TECPR1: variants seen among roughly 807,000 people sequenced by gnomAD.
The protein encoded by TECPR1 is tectonin beta-propeller repeat containing 1, also known as tectonin beta-propeller repeat-containing protein 1.
Under a neutral mutation model 162.4 loss-of-function variants are expected in TECPR1, and 122 were observed. The observed-to-expected ratio is 0.75, with a 90% CI of 0.65 to 0.87. The LOEUF is 0.87. TECPR1 is among the 40% of genes least tolerant of loss of function. The probability of loss-of-function intolerance (pLI) is 0.00; values close to 1 mark genes in which losing one functional copy is unlikely to be tolerated. For missense variants in TECPR1, 1,432 were observed against 1,618.2 expected (o/e 0.88, Z 1.97); for synonymous variants, 642 against 670.6 (o/e 0.96, Z 0.66).
intron 2 of TECPR1, among the ~76,000 whole-genome samples, chr7:98,250,564 G>A (rs914218605): frequency 2.0e-5 from 3 of 152,206 alleles, no homozygotes; most frequent in African/African-American, 4.8e-5. Context: ...CTTGAGCCCA[G>A]GAGTTTGAGG....
rs773085229 is a variant in TECPR1 at position 98,217,712 on chromosome 7, C to T, written c.3364G>A (p.Gly1122Ser). ...CTCACCCCGATGCCGTAGTCCCAGC[C>T]GTGGCCCTTGGGCTCGTGAGGCTGC... The part of the protein sequence containing the change: ...GVQPHEPKGH[G>S]WDYGIGGGWD... Residue 1122 changes from glycine (G) to serine (S), a missense_variant, in exon 25 of 26, where the codon GGC becomes AGC. Coordinates refer to ENST00000447648, the MANE Select transcript of TECPR1 (RefSeq NM_015395.3). The T allele has an allele frequency of 5.2e-5, 80 of 1,547,802 alleles. 1 individual carries two copies. The East Asian group carries it at 6.1e-4, about 12-fold the overall frequency.
Position 98,224,821 on chromosome 7 carries a change from C to T in TECPR1, c.2670G>A (p.Gln890=). The T allele has an allele frequency of 3.2e-6, 5 of 1,581,794 alleles. No homozygotes were observed. The highest frequency in any genetic ancestry group is 3.4e-6 in the Non-Finnish European group (4 of 1,164,722). ...CTTACGCAGGGAAGTCGCTGGCATA[C>T]TGCCACCCCTCCTGGTCCGTGCCCC... ...VPGGTDQEGW[Q]YASDFPASYH... Residue 890 remains glutamine (Q), a synonymous_variant, in exon 19 of 26, where the codon CAG becomes CAA. Transcript: ENST00000447648.
chr7:98,221,315 A>G lies in TECPR1; in HGVS notation c.3157+346T>C, dbSNP rs541809936. Among the ~76,000 whole-genome samples the G allele has an allele frequency of 5.3e-5, 8 of 152,206 alleles. No individual in the cohort carries two copies. In the South Asian group the frequency reaches 1.7e-3, roughly 32 times the overall value. The stretch of plus-strand genomic sequence containing the variant: ...GAAACTCCATCTCAAAGAAAAAATA[A>G]TAACAATAATAACTAAAAGAGTAGA... On this transcript the variant is annotated intron_variant, in intron 23 of 25. Coordinates refer to ENST00000447648, the MANE Select transcript of TECPR1 (RefSeq NM_015395.3).
At chr7:98,239,046 T>C (rs1798677273) in intron 8 of TECPR1, among the ~76,000 whole-genome samples, 1 of 152,264 alleles carries the variant, frequency 6.6e-6, no homozygotes, top group African/African-American at 2.4e-5. Context: ...CTTCAAGAAA[T>C]ACTTAAAGTG....
chr7:98,245,534 C>T (rs894347429), intron 3 of TECPR1, among the ~76,000 whole-genome samples: 9 of 152,082 alleles, frequency 5.9e-5, no homozygotes, highest in Non-Finnish European at 8.8e-5. Context: ...GTGCAGGGCA[C>T]GATTATGGCT....
In TECPR1 at chr7:98,232,865, G is replaced by C. The variant is rs372092508; in HGVS notation, c.1780C>G (p.Leu594Val). Residue 594 changes from leucine to valine, a missense_variant, in exon 12 of 26, where the codon CTG (leucine) becomes GTG (valine). By Grantham distance (32) the Leu-to-Val change is conservative. Transcript: ENST00000447648. This position sits in a 1 kb window ranked among gnomAD's most constrained non-coding sequence, Gnocchi z 4.6. ...TGCTCGTAGTGTCTGAAGTTCTCCA[G>C]CTCCCGCTTGGTCCTTTCCGTGAGC... ...QQLTERTKRELENFRHYEQAV... is the reference protein window; with the variant it reads ...QQLTERTKREVENFRHYEQAV... 4.3e-6 allele frequency: 7 copies of C among 1,612,042 alleles called. No homozygotes were observed. The African/African-American group carries it at 9.4e-5, about 22-fold the overall frequency.
intron 2 of TECPR1, among the ~76,000 whole-genome samples, chr7:98,248,811 AC>A (rs1289145401): frequency 4.6e-5 from 7 of 151,102 alleles, no homozygotes; most frequent in African/African-American, 1.5e-4. Context: ...GCACCACTGC[AC>A]TCCAGCCTGG....
rs1283105622 is a variant in TECPR1, at chr7:98,217,793, T to C, written c.3283A>G (p.Lys1095Glu). ...CTCAGGCTGTGGCTGCCCTGCACTT[T>C]GTTGGCGATCACCCAGACCTGGAGC... is the stretch of plus-strand genomic sequence containing the variant. ...PLDQVWVIAN[K>E]VQGSHSLSRG... Residue 1095 changes from lysine to glutamate, a missense_variant, in exon 25 of 26, where the codon AAA becomes GAA. Transcript: ENST00000447648. The C allele has an allele frequency of 6.4e-7, 1 of 1,550,908 alleles. No homozygotes were observed. The highest frequency in any genetic ancestry group is 2.0e-5 in the Admixed American group (1 of 51,018).
At chr7:98,248,313 C>T (rs551353240) in intron 2 of TECPR1, among the ~76,000 whole-genome samples, 4 of 152,152 alleles carry the variant, frequency 2.6e-5, no homozygotes, top group East Asian at 3.9e-4. Flanking sequence ...GACACTGGCC[C>T]GGGGCCTGAA....
chr7:98,234,107 C>T (rs1224468297), intron 10 of TECPR1, among the ~76,000 whole-genome samples, 196 bp from the exon 11 acceptor site: 1 of 152,258 alleles, frequency 6.6e-6, no homozygotes, highest in Non-Finnish European at 1.5e-5. Context: ...CCTGGGCCAC[C>T]CTGCAGACCA....
chr7:98,224,884 G>A lies in TECPR1; in HGVS notation c.2611-4C>T. ...AATCCACGAACCAGTCGGAAACCTG[G>A]GAGGAGTGGGTCAGTGAGGATGGGA... is the stretch of plus-strand genomic sequence containing the variant. On this transcript the variant is annotated splice_polypyrimidine_tract_variant and splice_region_variant and intron_variant, in intron 18 of 25. Transcript: ENST00000447648. 6.4e-7 allele frequency: 1 copy of A among 1,559,212 alleles called. No homozygotes were observed. Among genetic ancestry groups the A allele is most frequent in the Non-Finnish European group, 8.7e-7 (1 of 1,151,880 alleles).
At position 98,243,492 on chromosome 7, in the gene TECPR1, A is replaced by G; in HGVS notation, c.632T>C (p.Val211Ala). The change falls in exon 6 of 26, where the codon GTG (valine) becomes GCG (alanine). Residue 211 changes from valine to alanine, a missense_variant. Coordinates refer to ENST00000447648, the MANE Select transcript of TECPR1 (RefSeq NM_015395.3). ...CTTGCCCTGCAGAGACACAGCCCAC[A>G]CTGACAGGCGGCCCACAGGCTCCTC... ...ITEEPVGRLS[V>A]WAVSLQGKVW... 6.2e-7 allele frequency: 1 copy of G among 1,612,636 alleles called. No homozygotes were observed. Among genetic ancestry groups the G allele is most frequent in the Non-Finnish European group, 8.5e-7 (1 of 1,179,816 alleles).
chr7:98,247,051 T>C (rs1798929430), intron 2 of TECPR1, among the ~76,000 whole-genome samples: 1 of 151,414 alleles, frequency 6.6e-6, no homozygotes, highest in African/African-American at 2.4e-5. Context: ...GGCAGGATAA[T>C]GGCTTGAACC....
Position 98,217,680 on chromosome 7 carries a change from G to T in TECPR1, c.3384+12C>A. 2.0e-6 allele frequency: 3 copies of T among 1,534,618 alleles called. No individual in the cohort carries two copies. Among genetic ancestry groups the T allele is most frequent in the African/African-American group, 1.4e-5 (1 of 72,948 alleles). ...GGTGATAACACAGCCCAAGGCCGCGGGCCCCGCTCACCCCGATGCCGTAGT... is the reference window on the plus strand; with the variant it reads ...GGTGATAACACAGCCCAAGGCCGCGTGCCCCGCTCACCCCGATGCCGTAGT... On this transcript the variant is annotated intron_variant, in intron 25 of 25. Coordinates refer to ENST00000447648, the MANE Select transcript of TECPR1 (RefSeq NM_015395.3).
chr7:98,231,075 T>C lies in TECPR1; in HGVS notation c.2168A>G (p.Gln723Arg), dbSNP rs1798420116. The C allele has an allele frequency of 6.2e-7, 1 of 1,607,856 alleles. No homozygotes were observed. The change falls in exon 15 of 26, where the codon CAG becomes CGG. Residue 723 changes from glutamine (Q) to arginine (R), a missense_variant. By Grantham distance (43) the Gln-to-Arg change is conservative. Transcript: ENST00000447648. ...GATGGCCTGCGGGGACGGGCGGCCC[T>C]GCACCTTCCGGCTCTCGCAGCAAGA... ...SLSCCESRKVQGRPSPQAIWS... is the reference protein window; with the variant it reads ...SLSCCESRKVRGRPSPQAIWS...
At chr7:98,219,637 C>T (rs537439009) in intron 23 of TECPR1, among the ~76,000 whole-genome samples, 3 of 152,238 alleles carry the variant, frequency 2.0e-5, no homozygotes, top group Non-Finnish European at 2.9e-5. Context: ...CGCGGTGGCT[C>T]ATGCCTTTAA....
At chr7:98,228,160 C>T (rs1335352490) in intron 16 of TECPR1, 44 bp from the exon 17 acceptor site, 13 of 1,441,502 alleles carry the variant, frequency 9.0e-6, no homozygotes, top group East Asian at 7.1e-5. Context: ...ACATACGCTC[C>T]GCTTGGGACT....
In TECPR1 at chr7:98,217,960, T is replaced by C. The variant is rs1798056413; in HGVS notation, c.3240A>G (p.Arg1080=). The C allele has an allele frequency of 6.4e-7, 1 of 1,558,518 alleles. No individual in the cohort carries two copies. Among genetic ancestry groups the C allele is most frequent in the Non-Finnish European group, 8.7e-7 (1 of 1,151,508 alleles). ...CCTGGTCCAGGGGCCCCACGGACAC[T>C]CGGCACACGTTGTTGGACACGTGCT... The part of the protein sequence containing the change: ...SWEHVSNNVC[R]VSVGPLDQVW... The change falls in exon 24 of 26, where the codon CGA becomes CGG. Residue 1080 remains arginine, a synonymous_variant. Coordinates refer to ENST00000447648, the MANE Select transcript of TECPR1 (RefSeq NM_015395.3).
chr7:98,224,257 C>T (rs1584326102), intron 19 of TECPR1, among the ~76,000 whole-genome samples: 1 of 152,306 alleles, frequency 6.6e-6, no homozygotes, highest in East Asian at 1.9e-4. Flanking sequence ...CAGGCTGAGA[C>T]TGTGCCGTGA....
Sources: gnomAD v4.1 joint callset for allele counts (sites outside exome capture counted in the v4.1 genomes callset) on GRCh38, gnomAD v4.1.1 for gene constraint, Gnocchi (gnomAD v3.1) non-coding constraint, MANE v1.5 for transcripts, NCBI Gene and HGNC (gene_info 2026-07-23, HGNC 2026-07-21) for gene names.